ACSM3: variants seen among roughly 807,000 people sequenced by gnomAD.
ACSM3 encodes acyl-CoA synthetase medium chain family member 3, also known as acyl-coenzyme A synthetase ACSM3, mitochondrial.
A neutral mutation model predicts 74.1 loss-of-function variants in ACSM3; 61 were observed. The ratio of observed to expected loss-of-function variants is 0.82; its 90% CI spans 0.67 to 1.02. The LOEUF (loss-of-function observed/expected upper bound fraction) is 1.02, where lower values mean the gene tolerates loss of function less well. Ranked by LOEUF, ACSM3 falls within the 50% of genes least tolerant of loss-of-function variation. ACSM3 has a pLI of 0.00. For missense variants in ACSM3, 660 were observed against 697.0 expected (o/e 0.95, Z 0.60); for synonymous variants, 213 against 241.5 (o/e 0.88, Z 1.09).
At chr16:20,711,333 A>G (rs531334638) in intron 1 of ACSM3, 3 of 382,660 alleles carry the variant, frequency 7.8e-6, no homozygotes, top group South Asian at 6.8e-5. Flanking sequence ...AGTCTTGTAC[A>G]ATATCATTGG....
In ACSM3 at chr16:20,719,881, C is replaced by T. The variant is rs935611514; in HGVS notation, c.-189-30029C>T. Among the ~76,000 whole-genome samples the T allele has an allele frequency of 2.0e-5, 3 of 152,324 alleles. No individual in the cohort carries two copies. The East Asian group carries it at 5.8e-4, about 29-fold the overall frequency. Reference sequence around the variant, plus strand: ...CTGGAAATCAGACATGCATGCCCTGCCTTCTCAACCAGGGACAGCTAGATT... The same window carrying T: ...CTGGAAATCAGACATGCATGCCCTGTCTTCTCAACCAGGGACAGCTAGATT... On this transcript the variant is annotated intron_variant, in intron 1 of 3. Coordinates refer to the ACSM3 transcript ENST00000561584.
At chr16:20,687,500 TC>T (rs1280610663) in intron 1 of ACSM3, among the ~76,000 whole-genome samples, 1 of 152,084 alleles carries the variant, frequency 6.6e-6, no homozygotes, top group African/African-American at 2.4e-5. Context: ...CAGCTGCTCT[TC>T]AAGACTGAGA....
chr16:20,752,446 T>C (rs557595822), intron 2 of ACSM3, among the ~76,000 whole-genome samples: 33 of 152,310 alleles, frequency 2.2e-4, no homozygotes, highest in Non-Finnish European at 3.7e-4. Flanking sequence ...AAGAAAACAG[T>C]TGATGGAAAA....
chr16:20,768,058 A>C (rs1455609792), intron 1 of ACSM3, among the ~76,000 whole-genome samples: 1 of 152,188 alleles, frequency 6.6e-6, no homozygotes, highest in East Asian at 1.9e-4. Flanking sequence ...CAAAGCCTCA[A>C]ATATTTAGTG....
intron 7 of ACSM3, chr16:20,783,301 G>C (rs2080393717): frequency 6.6e-6 from 1 of 152,184 alleles, no homozygotes; most frequent in African/African-American, 2.4e-5. Context: ...GAAGCTCTGG[G>C]CCAGGAACCC....
chr16:20,767,016 A>ACTAG (rs1413823510), intron 1 of ACSM3, among the ~76,000 whole-genome samples: 1 of 152,182 alleles, frequency 6.6e-6, no homozygotes, highest in East Asian at 1.9e-4. Flanking sequence ...CAGCTTTGAG[A>ACTAG]CTAGAGGTGG....
At chr16:20,740,370 C>T (rs2079906269) in intron 1 of ACSM3, among the ~76,000 whole-genome samples, 2 of 152,180 alleles carry the variant, frequency 1.3e-5, no homozygotes, top group Admixed American at 1.3e-4. Context: ...CTCCAACCTC[C>T]ACCTTGGGTG....
chr16:20,726,161 A>G lies in ACSM3; in HGVS notation c.-189-23749A>G, dbSNP rs567784393. Among the ~76,000 whole-genome samples, 5 of 152,310 alleles carry G rather than the reference A, an allele frequency of 3.3e-5. No homozygotes were observed. In the East Asian group the frequency reaches 9.6e-4, roughly 29 times the overall value. The stretch of plus-strand genomic sequence containing the variant: ...AGTACTACTTTTTAGAAACACTGTC[A>G]TTTAGAACCAGCCCTCAAAAAAGAA... On this transcript the variant is annotated intron_variant, in intron 1 of 3. Transcript: ENST00000561584.
At chr16:20,729,268 T>C (rs942671973) in intron 1 of ACSM3, 4 of 1,269,662 alleles carry the variant, frequency 3.2e-6, no homozygotes, top group African/African-American at 1.5e-5. Flanking sequence ...TAAGGGGAGA[T>C]TTTTATGTCA....
chr16:20,741,903 T>A, intron 1 of ACSM3: 1 of 1,534,476 alleles, frequency 6.5e-7, no homozygotes, highest in South Asian at 1.2e-5. Flanking sequence ...CGGTCTGCAA[T>A]CGTGAAAGGG....
intron 1 of ACSM3, among the ~76,000 whole-genome samples, chr16:20,727,949 C>T (rs1346280179): frequency 6.6e-6 from 1 of 152,284 alleles, no homozygotes; most frequent in East Asian, 1.9e-4. Flanking sequence ...TGGGATGAGG[C>T]CCATAAATCT....
intron 1 of ACSM3, chr16:20,727,347 A>G: frequency 1.7e-6 from 1 of 591,886 alleles, no homozygotes; most frequent in South Asian, 1.4e-5. Flanking sequence ...CTCCAGATAT[A>G]AATTCAAGAG....
intron 1 of ACSM3, among the ~76,000 whole-genome samples, chr16:20,701,737 C>A (rs2079713396): frequency 6.6e-6 from 1 of 151,920 alleles, no homozygotes; most frequent in Non-Finnish European, 1.5e-5. Flanking sequence ...GTTCCCCTCC[C>A]TGTGTCCATG....
chr16:20,728,322 T>C (rs2079813856), intron 1 of ACSM3: 30 of 847,020 alleles, frequency 3.5e-5, no homozygotes, highest in South Asian at 3.4e-4. Flanking sequence ...TGTACAACTA[T>C]TTACAACCTG....
intron 4 of ACSM3, among the ~76,000 whole-genome samples, chr16:20,777,889 G>A (rs1172963321): frequency 6.6e-6 from 1 of 152,208 alleles, no homozygotes; most frequent in Non-Finnish European, 1.5e-5. Context: ...ATTTATTTGC[G>A]ATGTATTCCC....
intron 1 of ACSM3, among the ~76,000 whole-genome samples, chr16:20,747,332 CATGG>C (rs1301925682): frequency 2.0e-5 from 3 of 152,204 alleles, no homozygotes; most frequent in African/African-American, 7.2e-5. Flanking sequence ...TTCTGTACAG[CATGG>C]CAAGGTCACA....
Position 20,777,573 on chromosome 16 carries a change from T to A in ACSM3, c.631T>A (p.Leu211Met), listed in dbSNP as rs1295189805. 1 of 1,613,264 alleles carries A rather than the reference T, an allele frequency of 6.2e-7. No individual in the cohort carries two copies. Residue 211 changes from leucine (L) to methionine (M), a missense_variant, in exon 4 of 14, where the codon TTG becomes ATG. Coordinates refer to ENST00000289416, the MANE Select transcript of ACSM3 (RefSeq NM_005622.4). ...SREGWGNLKE[L>M]MKHASDSHTC... ...AGAGGGGTGGGGGAACCTCAAGGAGTTGATGAAGTGAGTAGCCACACTTGT... is the reference window on the plus strand; with the variant it reads ...AGAGGGGTGGGGGAACCTCAAGGAGATGATGAAGTGAGTAGCCACACTTGT...
At chr16:20,725,820 A>C (rs2079802942) in intron 1 of ACSM3, among the ~76,000 whole-genome samples, 1 of 152,122 alleles carries the variant, frequency 6.6e-6, no homozygotes, top group Non-Finnish European at 1.5e-5. Flanking sequence ...AAAAATACAA[A>C]CATTAGCCAG....
At chr16:20,705,149 G>A (rs1474118849) in intron 1 of ACSM3, among the ~76,000 whole-genome samples, 8 of 152,182 alleles carry the variant, frequency 5.3e-5, no homozygotes. Flanking sequence ...GAGGCGGGCA[G>A]ATCACGAGGT....
Sources: allele counts gnomAD v4.1 joint callset (sites outside exome capture counted in the v4.1 genomes callset), GRCh38; gene constraint gnomAD v4.1.1; transcripts MANE v1.5; gene names NCBI Gene and HGNC (gene_info 2026-07-23, HGNC 2026-07-21).